SMIM10L3: variants seen among roughly 807,000 people sequenced by gnomAD.
The protein encoded by SMIM10L3 is salivary gland specific protein SAGSIN1.
At chr7:6,332,561 T>C in the SMIM10L3 span, among the ~76,000 whole-genome samples, 8 of 152,224 alleles carry the variant, frequency 5.3e-5, no homozygotes, top group South Asian at 6.2e-4. Context: ...CTCATGCTTA[T>C]AAACTCAGCA....
the SMIM10L3 span, among the ~76,000 whole-genome samples, chr7:6,342,634 G>A: frequency 6.6e-6 from 1 of 152,042 alleles, no homozygotes. Context: ...AAAAACCGAT[G>A]TCCACACAAA....
At chr7:6,337,803 T>C in the SMIM10L3 span, among the ~76,000 whole-genome samples, 2 of 151,502 alleles carry the variant, frequency 1.3e-5, no homozygotes, top group East Asian at 3.9e-4. Context: ...CATTATTTAT[T>C]TATTTATTTA....
chr7:6,338,852 C>A, the SMIM10L3 span, among the ~76,000 whole-genome samples: 6 of 152,140 alleles, frequency 3.9e-5, no homozygotes, highest in African/African-American at 1.2e-4. Context: ...AAGGCTAGTC[C>A]CAAAGGGGAG....
chr7:6,337,586 TA>T, the SMIM10L3 span, among the ~76,000 whole-genome samples: 7,453 of 151,728 alleles, frequency 0.049, 326 homozygotes, highest in East Asian at 0.18. Flanking sequence ...ACAGTACCAT[TA>T]TTTTTTTTCA....
chr7:6,330,482 T>C, the SMIM10L3 span: 3 of 1,614,230 alleles, frequency 1.9e-6, no homozygotes, highest in Non-Finnish European at 2.5e-6. Context: ...TTGAATTCTA[T>C]TGTTTGCTTT....
the SMIM10L3 span, chr7:6,330,600 G>A: frequency 1.9e-5 from 31 of 1,614,018 alleles, no homozygotes; most frequent in Admixed American, 1.0e-4. Flanking sequence ...GCAGGCAAGC[G>A]GGTTCCAACT....
the SMIM10L3 span, chr7:6,330,162 T>C: frequency 1.7e-6 from 1 of 572,762 alleles, no homozygotes; most frequent in South Asian, 2.3e-5. Context: ...ATTCTTTATA[T>C]GTCTTTTAAA....
At chr7:6,344,406 C>T in the SMIM10L3 span, among the ~76,000 whole-genome samples, 2 of 152,152 alleles carry the variant, frequency 1.3e-5, no homozygotes, top group African/African-American at 4.8e-5. Context: ...TGGTCAAGCC[C>T]AAGCCTACAA....
At chr7:6,341,014 G>A in the SMIM10L3 span, among the ~76,000 whole-genome samples, 3 of 150,988 alleles carry the variant, frequency 2.0e-5, no homozygotes, top group Non-Finnish European at 4.4e-5. Context: ...TGTGGTGGTG[G>A]GAACCTACAG....
At chr7:6,348,812 C>A in the SMIM10L3 span, 1 of 395,752 alleles carries the variant, frequency 2.5e-6, no homozygotes, top group African/African-American at 2.1e-5. Flanking sequence ...CGCCGCGTCG[C>A]CCCGGCAGCT....
the SMIM10L3 span, chr7:6,348,823 G>A: frequency 2.5e-6 from 1 of 394,914 alleles, no homozygotes; most frequent in Non-Finnish European, 4.5e-6. Flanking sequence ...CCCGGCAGCT[G>A]ACCCTCGCCT....
At chr7:6,343,540 C>T in the SMIM10L3 span, among the ~76,000 whole-genome samples, 1 of 150,304 alleles carries the variant, frequency 6.7e-6, no homozygotes, top group Non-Finnish European at 1.5e-5. Context: ...TTCACAGTAC[C>T]ATTTTTAATC....
chr7:6,336,933 C>T, the SMIM10L3 span, among the ~76,000 whole-genome samples: 17 of 152,208 alleles, frequency 1.1e-4, no homozygotes, highest in South Asian at 2.1e-4. Flanking sequence ...GAATTACAGG[C>T]GTGAGCCACC....
chr7:6,348,232 A>AAG, the SMIM10L3 span, among the ~76,000 whole-genome samples: 31 of 145,280 alleles, frequency 2.1e-4, no homozygotes, highest in Admixed American at 2.1e-4. Context: ...ATTAAAAATA[A>AAG]GGGGGGGGGT....
At chr7:6,330,724 T>G in the SMIM10L3 span, 1 of 1,614,154 alleles carries the variant, frequency 6.2e-7, no homozygotes, top group South Asian at 1.1e-5. Context: ...TTTGGGGCAC[T>G]GTCCTCTGTG....
At chr7:6,347,956 G>C in the SMIM10L3 span, among the ~76,000 whole-genome samples, 5 of 149,442 alleles carry the variant, frequency 3.3e-5, no homozygotes, top group African/African-American at 1.2e-4. Flanking sequence ...TGCTGCCCAG[G>C]CTGGAGCGCA....
chr7:6,333,115 C>A, the SMIM10L3 span, among the ~76,000 whole-genome samples: 2 of 151,270 alleles, frequency 1.3e-5, no homozygotes, highest in South Asian at 4.2e-4. Flanking sequence ...CGAGATCCCA[C>A]CACTGCACTC....
the SMIM10L3 span, among the ~76,000 whole-genome samples, chr7:6,345,441 T>C: frequency 2.6e-5 from 4 of 152,086 alleles, no homozygotes; most frequent in African/African-American, 9.7e-5. Context: ...TTTTAGAAGT[T>C]GCCTCTGATT....
At chr7:6,335,210 C>T in the SMIM10L3 span, among the ~76,000 whole-genome samples, 1 of 148,998 alleles carries the variant, frequency 6.7e-6, no homozygotes, top group Non-Finnish European at 1.5e-5. Context: ...TTACAGGAAC[C>T]CACCACCATG....
Sources: gnomAD v4.1 joint callset for allele counts (sites outside exome capture counted in the v4.1 genomes callset) on GRCh38, gnomAD v4.1.1 for gene constraint, MANE v1.5 for transcripts, NCBI Gene and HGNC (gene_info 2026-07-23, HGNC 2026-07-21) for gene names.